EPHX1: variants seen among roughly 807,000 people sequenced by gnomAD.
The protein encoded by EPHX1 is epoxide hydratase.
Under a neutral mutation model 43.2 loss-of-function variants are expected in EPHX1, and 40 were observed. The observed-to-expected ratio is 0.93, with a 90% CI of 0.72 to 1.21. The LOEUF (loss-of-function observed/expected upper bound fraction) is 1.21, where lower values mean the gene tolerates loss of function less well. EPHX1 is among the 50% of genes most tolerant of loss of function. The probability of loss-of-function intolerance (pLI) is 0.00; values close to 1 mark genes in which losing one functional copy is unlikely to be tolerated. For synonymous variants in EPHX1, 221 were observed against 226.7 expected (o/e 0.98, Z 0.22); for missense variants, 550 against 570.4 (o/e 0.96, Z 0.36).
At position 225,832,730 on chromosome 1, in the gene EPHX1, C is replaced by T. The variant is rs575537908; in HGVS notation, c.364+771C>T. ...CAATATTTTTTTCCTTTCTTTTTTTCGGTAATGGTCATCCTAATGGGTATG... is the reference window on the plus strand; with the variant it reads ...CAATATTTTTTTCCTTTCTTTTTTTTGGTAATGGTCATCCTAATGGGTATG... On this transcript the variant is annotated intron_variant, in intron 3 of 8. Transcript: ENST00000272167. 3.3e-5 allele frequency among the ~76,000 whole-genome samples: 5 copies of T among 152,204 alleles called. No homozygotes were observed. The South Asian group carries it at 1.0e-3, about 32-fold the overall frequency.
chr1:225,831,938 C>T lies in EPHX1; in HGVS notation c.343C>T (p.His115Tyr). ...GGTGGAGATTCTCAACAGATACCCT[C>T]ACTTCAAGACTAAGATTGAAGGTAT... ...KQVEILNRYP[H>Y]FKTKIEGLDI... Residue 115 changes from histidine (H) to tyrosine (Y), a missense_variant, in exon 3 of 9, where the codon CAC becomes TAC. Physicochemically the swap from His to Tyr is moderately conservative, Grantham distance 83 (BLOSUM62 2). Coordinates refer to ENST00000272167, the MANE Select transcript of EPHX1 (RefSeq NM_001136018.4). 1 of 1,614,136 alleles carries T rather than the reference C, an allele frequency of 6.2e-7. No individual in the cohort carries two copies. Among genetic ancestry groups the T allele is most frequent in the Non-Finnish European group, 8.5e-7 (1 of 1,180,036 alleles).
chr1:225,825,383 A>T (rs945770019), intron 1 of EPHX1: 1 of 152,214 alleles, frequency 6.6e-6, no homozygotes, highest in African/African-American at 2.4e-5. Context: ...CCAGGTGCAG[A>T]GCTCCACAGC....
At chr1:225,828,494 GT>G (rs1667382461) in intron 1 of EPHX1, among the ~76,000 whole-genome samples, 1 of 150,098 alleles carries the variant, frequency 6.7e-6, no homozygotes, top group Non-Finnish European at 1.5e-5. Context: ...CTCATTGTCT[GT>G]TGTTTTTCCA....
intron 7 of EPHX1, 25 bp from the exon 8 acceptor site, chr1:225,844,472 TG>T (rs770824534): frequency 1.2e-6 from 2 of 1,613,764 alleles, no homozygotes; most frequent in Non-Finnish European, 1.7e-6. Flanking sequence ...GCACTGAGAG[TG>T]GGGCTTTGTG....
chr1:225,841,859 C>T (rs1469693195), intron 6 of EPHX1, among the ~76,000 whole-genome samples: 1 of 152,188 alleles, frequency 6.6e-6, no homozygotes, highest in Non-Finnish European at 1.5e-5. Flanking sequence ...CTTTCTCACC[C>T]TCCCAAAGTG....
Position 225,839,345 on chromosome 1 carries a change from A to T in EPHX1, c.721A>T (p.Ser241Cys). Reference sequence around the variant, plus strand: ...CACTAATATGGCCCAGCTGGTGCCCAGGTGAGGTCACTGTTGGGGTGGTGT... The same window carrying T: ...CACTAATATGGCCCAGCTGGTGCCCTGGTGAGGTCACTGTTGGGGTGGTGT... ...ICTNMAQLVP[S>C]HVKGLHLNMA... Residue 241 changes from serine to cysteine, a missense_variant and splice_region_variant, in exon 5 of 9, where the codon AGC becomes TGC. Transcript: ENST00000272167. 3 of 1,611,346 alleles carry T rather than the reference A, an allele frequency of 1.9e-6. No individual in the cohort carries two copies. Among genetic ancestry groups the T allele is most frequent in the Non-Finnish European group, 1.7e-6 (2 of 1,179,600 alleles).
At chr1:225,816,961 C>A (rs892540720) in intron 1 of EPHX1, among the ~76,000 whole-genome samples, 1 of 152,250 alleles carries the variant, frequency 6.6e-6, no homozygotes, top group Non-Finnish European at 1.5e-5. Flanking sequence ...CAGAACAGCA[C>A]TCCTGCCCCC....
At position 225,821,387 on chromosome 1, in the gene EPHX1, A is replaced by G. The variant is rs577381877; in HGVS notation, c.-5-7338A>G. On this transcript the variant is annotated intron_variant, in intron 1 of 8. Coordinates refer to ENST00000272167, the MANE Select transcript of EPHX1 (RefSeq NM_001136018.4). The stretch of plus-strand genomic sequence containing the variant: ...CAGCCTCCCGAGTAGCTGGGACTAC[A>G]AGTGCACACTACCACACCCAGCTAA... Among the ~76,000 whole-genome samples the G allele has an allele frequency of 5.2e-3, 789 of 151,688 alleles. 1 individual carries two copies. The highest frequency in any genetic ancestry group is 9.9e-3 in the Admixed American group (151 of 15,214).
At chr1:225,837,566 G>A (rs4653690) in intron 3 of EPHX1, among the ~76,000 whole-genome samples, 51,305 of 152,088 alleles carry the variant, frequency 0.34, 8,996 homozygotes, top group Middle Eastern at 0.43. Context: ...TGCCCAGGCT[G>A]GAGTGTGGTG....
intron 1 of EPHX1, among the ~76,000 whole-genome samples, chr1:225,813,205 T>G (rs1375677685): frequency 6.6e-6 from 1 of 152,198 alleles, no homozygotes; most frequent in Non-Finnish European, 1.5e-5. Context: ...GTGAAGACAC[T>G]TCAACTAGAG....
At chr1:225,824,644 G>T (rs1667140766) in intron 1 of EPHX1, among the ~76,000 whole-genome samples, 1 of 152,214 alleles carries the variant, frequency 6.6e-6, no homozygotes, top group East Asian at 1.9e-4. Flanking sequence ...CAGTCAAGAG[G>T]GCGCCACTCT....
chr1:225,832,855 G>T (rs45542435), intron 3 of EPHX1, among the ~76,000 whole-genome samples: 1 of 152,148 alleles, frequency 6.6e-6, no homozygotes, highest in Non-Finnish European at 1.5e-5. Context: ...TAATTTCTCC[G>T]AAGAAATGTC....
rs1282265426 is a variant in EPHX1, at chr1:225,845,499, T to G, written c.*152T>G. Reference sequence around the variant, plus strand: ...CACCCCCTCACCCCTCCAAGCTCACTCCCCAACCCCCAACTCCGTGTGGTA... The same window carrying G: ...CACCCCCTCACCCCTCCAAGCTCACGCCCCAACCCCCAACTCCGTGTGGTA... On this transcript the variant is annotated 3_prime_UTR_variant, in exon 9 of 9. Coordinates refer to ENST00000272167, the MANE Select transcript of EPHX1 (RefSeq NM_001136018.4). 8.3e-6 allele frequency: 6 copies of G among 724,744 alleles called. No individual in the cohort carries two copies. The highest frequency in any genetic ancestry group is 1.1e-5 in the Non-Finnish European group (5 of 438,378). 44.9% of individuals were successfully genotyped at this position (724,744 alleles called of 1,614,324 possible). A position where few individuals can be genotyped will look rare whatever the true frequency, so the allele number is the denominator to read the frequency against.
chr1:225,836,562 C>T (rs1350798374), intron 3 of EPHX1, among the ~76,000 whole-genome samples: 1 of 152,070 alleles, frequency 6.6e-6, no homozygotes, highest in Non-Finnish European at 1.5e-5. Context: ...TGTGCCACTG[C>T]ACTTCAGCCT....
At position 225,842,481 on chromosome 1, in the gene EPHX1, C is replaced by A. The variant is rs780676081; in HGVS notation, c.1040+7C>A. 6.3e-7 allele frequency: 1 copy of A among 1,591,634 alleles called. No individual in the cohort carries two copies. On this transcript the variant is annotated splice_region_variant and intron_variant, in intron 7 of 8. Transcript: ENST00000272167. Reference sequence around the variant, plus strand: ...AGGATGGAGGCCTGGAAAGGTGAGGCCCTGGTTTGCCCCTGCAGTCATGAC... The same window carrying A: ...AGGATGGAGGCCTGGAAAGGTGAGGACCTGGTTTGCCCCTGCAGTCATGAC...
At chr1:225,831,522 G>T (rs1451835580) in intron 2 of EPHX1, among the ~76,000 whole-genome samples, 1 of 150,696 alleles carries the variant, frequency 6.6e-6, no homozygotes, top group East Asian at 2.0e-4. Flanking sequence ...CCTCCAGCCT[G>T]GGCAACAGAG....
At chr1:225,823,739 C>G (rs1330945930) in intron 1 of EPHX1, among the ~76,000 whole-genome samples, 1 of 152,192 alleles carries the variant, frequency 6.6e-6, no homozygotes, top group Non-Finnish European at 1.5e-5. Flanking sequence ...ACCCCAGGTC[C>G]TCTGCCGCCT....
Position 225,838,752 on chromosome 1 carries a change from T to C in EPHX1, c.463T>C (p.Tyr155His). The C allele has an allele frequency of 5.6e-6, 9 of 1,614,218 alleles. No homozygotes were observed. Among genetic ancestry groups the C allele is most frequent in the Non-Finnish European group, 7.6e-6 (9 of 1,180,038 alleles). ...LMVHGWPGSF[Y>H]EFYKIIPLLT... Reference sequence around the variant, plus strand: ...GGTGCACGGCTGGCCCGGCTCTTTCTACGAGTTTTATAAGATCATCCCACT... The same window carrying C: ...GGTGCACGGCTGGCCCGGCTCTTTCCACGAGTTTTATAAGATCATCCCACT... Residue 155 changes from tyrosine to histidine, a missense_variant, in exon 4 of 9, where the codon TAC becomes CAC. Physicochemically the swap from Tyr to His is moderately conservative, Grantham distance 83. Coordinates refer to ENST00000272167, the MANE Select transcript of EPHX1 (RefSeq NM_001136018.4).
intron 3 of EPHX1, among the ~76,000 whole-genome samples, chr1:225,834,128 C>T (rs1480845449): frequency 7.0e-5 from 8 of 114,782 alleles, no homozygotes; most frequent in East Asian, 5.8e-4. Flanking sequence ...AAAAAAAAGC[C>T]GGGTGCGGTG....
Sources: gnomAD v4.1 joint callset for allele counts (sites outside exome capture counted in the v4.1 genomes callset) on GRCh38, gnomAD v4.1.1 for gene constraint, MANE v1.5 for transcripts, NCBI Gene and HGNC (gene_info 2026-07-23, HGNC 2026-07-21) for gene names.